The following RNF13 variants were observed in gnomAD, a reference collection of about 807,000 sequenced individuals.
The protein encoded by RNF13 is E3 ubiquitin-protein ligase RNF13.
In RNF13, 19 loss-of-function variants were observed where a neutral mutation model predicts 37.7. The observed-to-expected ratio is 0.50, with a 90% CI of 0.35 to 0.74. The LOEUF is 0.74. Ranked by LOEUF, RNF13 falls within the 30% of genes least tolerant of loss-of-function variation. The probability of loss-of-function intolerance (pLI) is 0.01; values close to 1 mark genes in which losing one functional copy is unlikely to be tolerated. For synonymous variants in RNF13, 144 were observed against 157.8 expected, an observed-to-expected ratio of 0.91 and a Z score of 0.65; for missense variants, 375 against 453.0, an observed-to-expected ratio of 0.83 and a Z score of 1.56.
At position 149,961,372 on chromosome 3, in the gene RNF13, A is replaced by C. The variant is rs1376187801; in HGVS notation, c.*268A>C. 1 of 594,070 alleles carries C rather than the reference A, an allele frequency of 1.7e-6. No individual in the cohort carries two copies. The highest frequency in any genetic ancestry group is 3.1e-6 in the Non-Finnish European group (1 of 319,756). 36.8% of individuals were successfully genotyped at this position (594,070 alleles called of 1,614,324 possible). On this transcript the variant is annotated 3_prime_UTR_variant, in exon 10 of 10. Coordinates refer to ENST00000392894, the MANE Select transcript of RNF13 (RefSeq NM_183381.3). ...GTATAGCCAAAACATAAAAAAAAAAAAATCCTCAGTATAGCTTGCAATTAA... is the reference window on the plus strand; with the variant it reads ...GTATAGCCAAAACATAAAAAAAAAACAATCCTCAGTATAGCTTGCAATTAA...
chr3:149,903,919 CTATCTATA>C (rs1716111180), intron 6 of RNF13, among the ~76,000 whole-genome samples: 1 of 151,464 alleles, frequency 6.6e-6, no homozygotes, highest in African/African-American at 2.4e-5. Context: ...CTCTATCTAT[CTATCTATA>C]TATCTGTCTA....
intron 1 of RNF13, among the ~76,000 whole-genome samples, chr3:149,815,482 T>G (rs1021335735): frequency 6.6e-6 from 1 of 152,204 alleles, no homozygotes; most frequent in African/African-American, 2.4e-5. Flanking sequence ...GCACCATTTG[T>G]CATGTTTACC....
intron 1 of RNF13, among the ~76,000 whole-genome samples, chr3:149,842,396 C>T (rs1311057413): frequency 6.6e-6 from 1 of 152,158 alleles, no homozygotes; most frequent in Non-Finnish European, 1.5e-5. Context: ...TATTCCATTG[C>T]TATGTTAAGC....
chr3:149,837,058 G>A (rs571047359), intron 1 of RNF13, among the ~76,000 whole-genome samples: 1 of 152,304 alleles, frequency 6.6e-6, no homozygotes, highest in East Asian at 1.9e-4. Context: ...GGGATGGATT[G>A]TGGTAATATT....
chr3:149,951,371 A>G (rs886607686), intron 8 of RNF13, among the ~76,000 whole-genome samples: 1 of 152,332 alleles, frequency 6.6e-6, no homozygotes, highest in East Asian at 1.9e-4. Flanking sequence ...TACCATGGCT[A>G]TGGTTCCTAA....
At chr3:149,875,190 G>T (rs1033973537) in intron 4 of RNF13, among the ~76,000 whole-genome samples, 1 of 152,038 alleles carries the variant, frequency 6.6e-6, no homozygotes. Context: ...GTAGTGCAGG[G>T]TTATATTTTG....
chr3:149,841,740 C>T (rs1722202979), intron 1 of RNF13, among the ~76,000 whole-genome samples: 1 of 152,144 alleles, frequency 6.6e-6, no homozygotes, highest in African/African-American at 2.4e-5. Context: ...GTGCCTCAGC[C>T]TCCTGAGTAG....
intron 8 of RNF13, among the ~76,000 whole-genome samples, chr3:149,936,133 T>C (rs1360633320): frequency 6.6e-6 from 1 of 152,114 alleles, no homozygotes; most frequent in East Asian, 1.9e-4. Context: ...TTATATGTTA[T>C]GCTTCTTTTT....
intron 2 of RNF13, among the ~76,000 whole-genome samples, chr3:149,852,200 G>A (rs1179299732): frequency 1.3e-5 from 2 of 152,130 alleles, no homozygotes; most frequent in African/African-American, 4.8e-5. Flanking sequence ...CACTCCTCCT[G>A]GAAGATGATC....
chr3:149,901,380 T>G (rs539665958), intron 5 of RNF13, among the ~76,000 whole-genome samples: 17 of 152,322 alleles, frequency 1.1e-4, no homozygotes, highest in African/African-American at 3.9e-4. Flanking sequence ...AGGATTGTTT[T>G]TCTTTCTATT....
At chr3:149,849,390 G>T (rs978598578) in intron 2 of RNF13, among the ~76,000 whole-genome samples, 2 of 152,196 alleles carry the variant, frequency 1.3e-5, no homozygotes, top group African/African-American at 4.8e-5. Flanking sequence ...AGTGTGCTGT[G>T]TAGCAAAGAA....
At position 149,954,579 on chromosome 3, in the gene RNF13, A is replaced by G. The variant is rs545518478; in HGVS notation, c.701-5477A>G. Reference sequence around the variant, plus strand: ...TTCCATTGGCATAGCTTGTAATACAATTCACAGAAACTTTTAAAAACAACT... The same window carrying G: ...TTCCATTGGCATAGCTTGTAATACAGTTCACAGAAACTTTTAAAAACAACT... On this transcript the variant is annotated intron_variant, in intron 8 of 9. Transcript: ENST00000392894. 3.3e-5 allele frequency among the ~76,000 whole-genome samples: 5 copies of G among 152,336 alleles called. No homozygotes were observed. The East Asian group carries it at 9.6e-4, about 29-fold the overall frequency.
At chr3:149,843,253 T>C (rs1034530359) in intron 1 of RNF13, among the ~76,000 whole-genome samples, 13 of 152,236 alleles carry the variant, frequency 8.5e-5, no homozygotes, top group African/African-American at 3.1e-4. Flanking sequence ...TACTACATGA[T>C]TTTACATAAG....
At chr3:149,897,825 C>T (rs974080212) in intron 5 of RNF13, among the ~76,000 whole-genome samples, 4 of 152,118 alleles carry the variant, frequency 2.6e-5, no homozygotes, top group Admixed American at 6.5e-5. Flanking sequence ...GAGATACTAA[C>T]GCCTGGAAAC....
chr3:149,888,857 A>G (rs1414005777), intron 4 of RNF13, among the ~76,000 whole-genome samples: 2 of 152,240 alleles, frequency 1.3e-5, no homozygotes, highest in Non-Finnish European at 2.9e-5. Flanking sequence ...TATAGAAGTT[A>G]AAGAGGATTG....
chr3:149,843,749 AACTG>A (rs993914228), intron 1 of RNF13, among the ~76,000 whole-genome samples: 1 of 152,210 alleles, frequency 6.6e-6, no homozygotes, highest in Non-Finnish European at 1.5e-5. Context: ...GGACTTTGGA[AACTG>A]ACTGTTAGGT....
chr3:149,869,122 G>A (rs1711688308), intron 3 of RNF13, among the ~76,000 whole-genome samples: 1 of 151,582 alleles, frequency 6.6e-6, no homozygotes, highest in South Asian at 2.1e-4. Flanking sequence ...CCATTCTGAT[G>A]TTGAGAGCCT....
chr3:149,827,148 A>G (rs1720585749), intron 1 of RNF13, among the ~76,000 whole-genome samples: 2 of 152,216 alleles, frequency 1.3e-5, no homozygotes, highest in African/African-American at 4.8e-5. Context: ...CAAAATATTC[A>G]GGAAAAAAAA....
chr3:149,957,991 A>T (rs933649310), intron 8 of RNF13, among the ~76,000 whole-genome samples: 4 of 152,326 alleles, frequency 2.6e-5, no homozygotes, highest in Admixed American at 6.5e-5. Context: ...TGGAATCTTG[A>T]CCTGTCATCT....
Sources: allele counts gnomAD v4.1 joint callset (sites outside exome capture counted in the v4.1 genomes callset), GRCh38; gene constraint gnomAD v4.1.1; transcripts MANE v1.5; gene names NCBI Gene and HGNC (gene_info 2026-07-23, HGNC 2026-07-21).